The following AGBL4 variants were observed in gnomAD, a reference collection of about 807,000 sequenced individuals.
AGBL4 encodes the protein cytosolic carboxypeptidase 6.
AGBL4 carries 58 observed loss-of-function variants against 66.4 expected under a neutral mutation model. The ratio of observed to expected loss-of-function variants is 0.87; its 90% CI spans 0.71 to 1.09. The LOEUF is 1.09. Ranked by LOEUF, AGBL4 falls within the 50% of genes least tolerant of loss-of-function variation. The pLI, the probability that AGBL4 is intolerant of heterozygous loss-of-function variation, is 0.00. For synonymous variants in AGBL4, 234 were observed against 222.9 expected (o/e 1.05, Z -0.44); for missense variants, 579 against 631.0 (o/e 0.92, Z 0.88).
chr1:49,950,803 T>C (rs1656086507), intron 1 of AGBL4, among the ~76,000 whole-genome samples: 1 of 151,788 alleles, frequency 6.6e-6, no homozygotes, highest in African/African-American at 2.4e-5. Context: ...TGCAGCATTA[T>C]TTACAATAGT....
intron 1 of AGBL4, among the ~76,000 whole-genome samples, chr1:49,969,451 T>A (rs925490081): frequency 1.3e-5 from 2 of 152,198 alleles, no homozygotes; most frequent in Admixed American, 1.3e-4. Context: ...GACACCATGC[T>A]ATACGGTGTA....
chr1:49,732,051 G>C (rs867792314), intron 2 of AGBL4, among the ~76,000 whole-genome samples: 4 of 152,296 alleles, frequency 2.6e-5, no homozygotes, highest in Middle Eastern at 3.4e-3. Flanking sequence ...TGCCATGGTT[G>C]AAGAGGTCTT....
chr1:49,472,643 T>G (rs895872668), intron 3 of AGBL4, among the ~76,000 whole-genome samples: 6 of 151,956 alleles, frequency 3.9e-5, no homozygotes, highest in African/African-American at 1.4e-4. Context: ...TTGCTTTGTT[T>G]TGTTTAGTTT....
intron 6 of AGBL4, among the ~76,000 whole-genome samples, chr1:48,862,085 C>T (rs1162605546): frequency 3.3e-5 from 5 of 152,288 alleles, no homozygotes; most frequent in African/African-American, 9.6e-5. Flanking sequence ...CAGGAGACTG[C>T]CTTGAGAGAT....
At chr1:49,289,067 C>T (rs1195790299) in intron 3 of AGBL4, among the ~76,000 whole-genome samples, 1 of 151,128 alleles carries the variant, frequency 6.6e-6, no homozygotes, top group East Asian at 1.9e-4. Flanking sequence ...ACCATCTGAC[C>T]CACAGGCCAA....
intron 1 of AGBL4, among the ~76,000 whole-genome samples, chr1:49,876,958 TTGTC>T (rs1319889921): frequency 2.0e-5 from 3 of 151,720 alleles, no homozygotes; most frequent in East Asian, 3.9e-4. Flanking sequence ...GGCTCTCTGT[TTGTC>T]TGTTGTTGGT....
chr1:49,558,771 T>C (rs561019380), intron 3 of AGBL4, among the ~76,000 whole-genome samples: 64 of 152,138 alleles, frequency 4.2e-4, no homozygotes, highest in Non-Finnish European at 7.4e-4. Flanking sequence ...TAAGAGCTCT[T>C]GAGCCTTAAA....
chr1:49,709,045 A>C (rs1342718242), intron 2 of AGBL4, among the ~76,000 whole-genome samples: 2 of 151,988 alleles, frequency 1.3e-5, no homozygotes. Context: ...CAGGGACCCA[A>C]ATGAGGAGGC....
intron 3 of AGBL4, among the ~76,000 whole-genome samples, chr1:49,289,844 G>A (rs555127031): frequency 6.6e-6 from 1 of 152,144 alleles, no homozygotes; most frequent in South Asian, 2.1e-4. Context: ...GAAGAACACA[G>A]TAAATATAGG....
At chr1:48,775,502 T>C (rs1376914058) in intron 6 of AGBL4, among the ~76,000 whole-genome samples, 3 of 152,208 alleles carry the variant, frequency 2.0e-5, no homozygotes, top group Non-Finnish European at 2.9e-5. Flanking sequence ...GTGTTCTTTC[T>C]GGTAGAAGGC....
intron 11 of AGBL4, among the ~76,000 whole-genome samples, chr1:48,545,857 G>A (rs1265955751): frequency 1.3e-5 from 2 of 152,146 alleles, no homozygotes; most frequent in Admixed American, 6.6e-5. Context: ...CCTTCAACAG[G>A]TAATGAAGGT....
chr1:49,277,360 G>T (rs1273255673), intron 3 of AGBL4, among the ~76,000 whole-genome samples: 1 of 152,014 alleles, frequency 6.6e-6, no homozygotes, highest in Non-Finnish European at 1.5e-5. Context: ...TTGCAGTTTG[G>T]CTGGGTTCAT....
At chr1:49,255,472 CT>C (rs1652406549) in intron 3 of AGBL4, among the ~76,000 whole-genome samples, 4 of 152,154 alleles carry the variant, frequency 2.6e-5, no homozygotes, top group Admixed American at 2.6e-4. Context: ...GAGACACCAT[CT>C]CACACCAGTC....
chr1:49,550,674 T>C (rs541412201), intron 3 of AGBL4, among the ~76,000 whole-genome samples: 1 of 152,336 alleles, frequency 6.6e-6, no homozygotes, highest in Non-Finnish European at 1.5e-5. Flanking sequence ...AAGCCTGCTG[T>C]TAATCTGATA....
At chr1:49,574,498 G>A (rs887132438) in intron 3 of AGBL4, among the ~76,000 whole-genome samples, 2 of 152,152 alleles carry the variant, frequency 1.3e-5, no homozygotes, top group African/African-American at 4.8e-5. Flanking sequence ...AGTCACTTTA[G>A]ACCTACTCAT....
chr1:48,538,418 G>GA (rs957970456), intron 12 of AGBL4, among the ~76,000 whole-genome samples: 4 of 152,150 alleles, frequency 2.6e-5, no homozygotes, highest in Non-Finnish European at 5.9e-5. Context: ...TAGGTAAGTA[G>GA]AAAAAAGCTT....
At chr1:49,685,390 G>A (rs1482431303) in intron 3 of AGBL4, among the ~76,000 whole-genome samples, 1 of 152,090 alleles carries the variant, frequency 6.6e-6, no homozygotes, top group East Asian at 1.9e-4. Context: ...TATGGTAGAA[G>A]GATTTATATT....
intron 6 of AGBL4, among the ~76,000 whole-genome samples, chr1:48,851,111 C>T (rs1647022569): frequency 2.0e-5 from 3 of 152,108 alleles, no homozygotes; most frequent in Admixed American, 2.0e-4. Context: ...ATTATCGCCC[C>T]CTGCAGTGGA....
chr1:49,509,766 T>C (rs1279887003), intron 3 of AGBL4, among the ~76,000 whole-genome samples: 2 of 151,932 alleles, frequency 1.3e-5, no homozygotes, highest in African/African-American at 4.8e-5. Context: ...GTTACCAAAT[T>C]TTTCTGTCCC....
Sources: allele counts gnomAD v4.1 joint callset (sites outside exome capture counted in the v4.1 genomes callset), GRCh38; gene constraint gnomAD v4.1.1; transcripts MANE v1.5; gene names NCBI Gene and HGNC (gene_info 2026-07-23, HGNC 2026-07-21).